Variants in CACNA1B observed in about 807,000 individuals in gnomAD.
CACNA1B encodes the protein calcium voltage-gated channel subunit alpha1 B, also known as voltage-dependent N-type calcium channel subunit alpha-1B.
A neutral mutation model predicts 247.2 loss-of-function variants in CACNA1B; 70 were observed. The observed-to-expected ratio is 0.28, with a 90% CI of 0.23 to 0.35. The LOEUF (loss-of-function observed/expected upper bound fraction) is 0.35, where lower values mean the gene tolerates loss of function less well. Among genes scored for constraint, CACNA1B ranks in the 10% least tolerant of loss-of-function variants. CACNA1B has a pLI of 1.00. For synonymous variants in CACNA1B, 1,231 were observed against 1,294.4 expected (o/e 0.95, Z 1.05); for missense variants, 2,367 against 3,197.4 (o/e 0.74, Z 6.26).
chr9:138,081,509 G>A (rs1960522418), intron 36 of CACNA1B, among the ~76,000 whole-genome samples: 1 of 151,638 alleles, frequency 6.6e-6, no homozygotes, highest in South Asian at 2.1e-4. Context: ...GTGAATTTGG[G>A]ATGGGTGGCA....
intron 10 of CACNA1B, among the ~76,000 whole-genome samples, chr9:137,963,733 C>T (rs1417595004): frequency 6.6e-6 from 1 of 152,134 alleles, no homozygotes; most frequent in Non-Finnish European, 1.5e-5. Flanking sequence ...TTGATCCTGT[C>T]ATCATGATGC....
At chr9:138,117,287 G>GGT (rs530781925) in intron 42 of CACNA1B, among the ~76,000 whole-genome samples, 13 of 40,378 alleles carry the variant, frequency 3.2e-4, no homozygotes, top group East Asian at 6.2e-4. Flanking sequence ...TGTGGCTTGG[G>GGT]GGGGGGGTCA....
At chr9:138,106,745 A>G (rs937659249) in intron 39 of CACNA1B, among the ~76,000 whole-genome samples, 1 of 152,218 alleles carries the variant, frequency 6.6e-6, no homozygotes, top group Non-Finnish European at 1.5e-5. Context: ...GCCTGGTGAC[A>G]GAGCAAGACT....
Position 138,075,837 on chromosome 9 carries a change from C to T in CACNA1B, c.4876C>T (p.Leu1626=), listed in dbSNP as rs1400873873. 5.6e-6 allele frequency: 9 copies of T among 1,608,704 alleles called. No homozygotes were observed. Among genetic ancestry groups the T allele is most frequent in the South Asian group, 3.3e-5 (3 of 90,404 alleles). Residue 1626 remains leucine, a synonymous_variant, in exon 35 of 47, where the codon CTG becomes TTG. Transcript: ENST00000371372. ...ATTGCAGGTGTTTGGGAATATTGCCCTGGATGATGACACCAGCATCAACCG... is the reference window on the plus strand; with the variant it reads ...ATTGCAGGTGTTTGGGAATATTGCCTTGGATGATGACACCAGCATCAACCG... ...IGMQVFGNIA[L]DDDTSINRHN...
Position 138,023,748 on chromosome 9 carries a change from C to T in CACNA1B, c.3005C>T (p.Thr1002Met). The T allele has an allele frequency of 2.3e-6, 3 of 1,313,392 alleles. No individual in the cohort carries two copies. Among genetic ancestry groups the T allele is most frequent in the Non-Finnish European group, 3.1e-6 (3 of 966,596 alleles). The allele number at this position is 1,313,392 out of a possible 1,614,324, so 81.4% of individuals were successfully genotyped here. A position where few individuals can be genotyped will look rare whatever the true frequency, so the allele number is the denominator to read the frequency against. The change falls in exon 19 of 47, where the codon ACG (threonine) becomes ATG (methionine). Residue 1002 changes from threonine to methionine, a missense_variant. By Grantham distance (81) the Thr-to-Met change is moderately conservative. This residue lies in a region of CACNA1B where 631 missense variants were observed against 631.1 expected (regional missense o/e 1.00). Coordinates refer to ENST00000371372, the MANE Select transcript of CACNA1B (RefSeq NM_000718.4). ...VEKETTEKEA[T>M]EKEAEIVEAD... ...AAGGAGACCACGGAGAAGGAGGCCA[C>T]GGAGAAGGAGGCTGAGATAGTGGAA...
intron 15 of CACNA1B, among the ~76,000 whole-genome samples, chr9:137,993,414 A>G (rs796767595): frequency 1.1e-5 from 1 of 94,850 alleles, no homozygotes; most frequent in Admixed American, 8.7e-5. Flanking sequence ...TATTTTGTCT[A>G]TCTAGATAGA....
chr9:137,913,348 T>G lies in CACNA1B; in HGVS notation c.622+77T>G. 4 of 1,135,492 alleles carry G rather than the reference T, an allele frequency of 3.5e-6. No individual in the cohort carries two copies. Among genetic ancestry groups the G allele is most frequent in the African/African-American group, 1.5e-5 (1 of 65,354 alleles). The allele number at this position is 1,135,492 out of a possible 1,614,324, so 70.3% of individuals were successfully genotyped here. On this transcript the variant is annotated intron_variant, in intron 4 of 46. Transcript: ENST00000371372. This position sits in a 1 kb window ranked among gnomAD's most constrained non-coding sequence, Gnocchi z 5.2. ...CCTACCCTCACCACGGACATGGCCA[T>G]GGCCATGGTTTGGCTTTGGTGACTC...
At position 138,123,584 on chromosome 9, in the gene CACNA1B, G is replaced by GTGTC. The variant is rs1010590144; in HGVS notation, c.*1588_*1589insCTGT. On this transcript the variant is annotated 3_prime_UTR_variant, in exon 47 of 47. Coordinates refer to ENST00000371372, the MANE Select transcript of CACNA1B (RefSeq NM_000718.4). ...GATGTGTGTGTGTGTGTGTGTGTGTGTGTGTCTGTGTCACAGGAGATGCAG... is the reference window on the plus strand; with the variant it reads ...GATGTGTGTGTGTGTGTGTGTGTGTGTGTCTGTGTCTGTGTCACAGGAGATGCAG... The GTGTC allele has an allele frequency of 2.0e-5, 3 of 151,790 alleles. No homozygotes were observed. Among genetic ancestry groups the GTGTC allele is most frequent in the Non-Finnish European group, 2.9e-5 (2 of 68,118 alleles). 9.4% of individuals were successfully genotyped at this position (151,790 alleles called of 1,614,324 possible). A position where few individuals can be genotyped will look rare whatever the true frequency, so the allele number is the denominator to read the frequency against.
At chr9:138,087,734 A>G (rs1960746342) in intron 36 of CACNA1B, among the ~76,000 whole-genome samples, 1 of 150,142 alleles carries the variant, frequency 6.7e-6, no homozygotes, top group Non-Finnish European at 1.5e-5. Context: ...AAAAAAAAAA[A>G]AAAAAGACAG....
At position 138,059,778 on chromosome 9, in the gene CACNA1B, GTTTCCTTCTA is replaced by G. The variant is rs770018038; in HGVS notation, c.4668+42_4668+51del. On this transcript the variant is annotated intron_variant, in intron 31 of 46. Transcript: ENST00000371372. This position sits in a 1 kb window ranked among gnomAD's most constrained non-coding sequence, Gnocchi z 4.2. ...GTCCCTCCTTCAGGGTCCCCAGGTG[GTTTCCTTCTA>G]GAGCCTGCTCCCCTCAGTGCATCTC... 1.4e-4 allele frequency: 174 copies of G among 1,223,272 alleles called. 1 individual carries two copies. In the African/African-American group the frequency reaches 1.9e-3, roughly 13 times the overall value. The allele number at this position is 1,223,272 out of a possible 1,614,324, so 75.8% of individuals were successfully genotyped here. A position where few individuals can be genotyped will look rare whatever the true frequency, so the allele number is the denominator to read the frequency against.
At chr9:138,016,101 TCA>T (rs1958788907) in intron 18 of CACNA1B, among the ~76,000 whole-genome samples, 1 of 151,588 alleles carries the variant, frequency 6.6e-6, no homozygotes, top group South Asian at 2.1e-4. Context: ...ACTCACAATC[TCA>T]CACATTCAGT....
Position 138,057,673 on chromosome 9 carries a change from G to A in CACNA1B, c.3969-59G>A, listed in dbSNP as rs1959561987. On this transcript the variant is annotated intron_variant, in intron 26 of 46. Transcript: ENST00000371372. The surrounding 1 kb of genome is among the most constrained non-coding windows in gnomAD (Gnocchi z 4.0). ...CGGAATGGTTTCAACACTCTTGATA[G>A]GTGGGTTTATTTGGATCTTTTGTCT... is the stretch of plus-strand genomic sequence containing the variant. 1 of 1,536,642 alleles carries A rather than the reference G, an allele frequency of 6.5e-7. No homozygotes were observed. Among genetic ancestry groups the A allele is most frequent in the Non-Finnish European group, 8.9e-7 (1 of 1,124,730 alleles).
At chr9:138,038,572 T>C (rs2133460950) in intron 20 of CACNA1B, among the ~76,000 whole-genome samples, 1 of 152,356 alleles carries the variant, frequency 6.6e-6, no homozygotes, top group South Asian at 2.1e-4. Flanking sequence ...GAAGGGAAAG[T>C]GCAGGTGCAG....
chr9:137,976,774 A>T (rs542106975), intron 12 of CACNA1B, among the ~76,000 whole-genome samples: 2 of 117,978 alleles, frequency 1.7e-5, no homozygotes, highest in African/African-American at 3.5e-5. Context: ...AGGGCAGGGC[A>T]GGGCAGTCTG....
At chr9:137,894,861 C>T (rs756527206) in intron 3 of CACNA1B, among the ~76,000 whole-genome samples, 7 of 152,106 alleles carry the variant, frequency 4.6e-5, no homozygotes, top group Admixed American at 1.3e-4. Context: ...AGAGACTTTG[C>T]GCAGCAAAAC....
chr9:137,931,419 TG>T (rs1042274071), intron 6 of CACNA1B, among the ~76,000 whole-genome samples: 9 of 152,016 alleles, frequency 5.9e-5, no homozygotes, highest in Admixed American at 1.3e-4. Flanking sequence ...TACAGTGGAA[TG>T]GGGGGCGTTG....
intron 3 of CACNA1B, among the ~76,000 whole-genome samples, chr9:137,886,961 T>A (rs1315629313): frequency 6.6e-6 from 1 of 150,784 alleles, no homozygotes; most frequent in Non-Finnish European, 1.5e-5. Context: ...AGGTGGTGAT[T>A]CGAGGGACAT....
Position 137,957,739 on chromosome 9 carries a change from G to C in CACNA1B, c.1333+52G>C. On this transcript the variant is annotated intron_variant, in intron 10 of 46. Transcript: ENST00000371372. This position sits in a 1 kb window ranked among gnomAD's most constrained non-coding sequence, Gnocchi z 4.7. ...CTGCCAGGCTTGAGCTGGACATGGA[G>C]TGCATGCTCCGCTTCCCCTGCTACC... 1 of 1,302,106 alleles carries C rather than the reference G, an allele frequency of 7.7e-7. No homozygotes were observed. Among genetic ancestry groups the C allele is most frequent in the Non-Finnish European group, 1.1e-6 (1 of 944,944 alleles). 80.7% of individuals were successfully genotyped at this position (1,302,106 alleles called of 1,614,324 possible).
chr9:138,078,104 T>G lies in CACNA1B; in HGVS notation c.4950-10T>G, dbSNP rs779111546. On this transcript the variant is annotated splice_polypyrimidine_tract_variant and intron_variant, in intron 35 of 46. Transcript: ENST00000371372. The stretch of plus-strand genomic sequence containing the variant: ...CTCTGTGGGCCTCACAACTCTGCCC[T>G]TCTTCTCAGGAGCGCCACGGGGGAG... The G allele has an allele frequency of 5.0e-6, 8 of 1,612,986 alleles. No individual in the cohort carries two copies. In the Admixed American group the frequency reaches 6.7e-5, roughly 13 times the overall value.
Sources: gnomAD v4.1 joint callset for allele counts (sites outside exome capture counted in the v4.1 genomes callset) on GRCh38, gnomAD v4.1.1 for gene constraint, gnomAD v4.1.1 regional missense constraint, Gnocchi (gnomAD v3.1) non-coding constraint, MANE v1.5 for transcripts, NCBI Gene and HGNC (gene_info 2026-07-23, HGNC 2026-07-21) for gene names.